Variants in MYO1D observed in about 807,000 individuals in gnomAD.
MYO1D encodes the protein unconventional myosin-Id.
MYO1D carries 83 observed loss-of-function variants against 122.0 expected under a neutral mutation model. The observed-to-expected ratio is 0.68, with a 90% CI of 0.57 to 0.82. MYO1D has a LOEUF of 0.82. Among genes scored for constraint, MYO1D ranks in the 40% least tolerant of loss-of-function variants. The probability of loss-of-function intolerance (pLI) is 0.00; values close to 1 mark genes in which losing one functional copy is unlikely to be tolerated. For missense variants in MYO1D, 1,157 were observed against 1,269.5 expected (o/e 0.91, Z 1.35); for synonymous variants, 464 against 446.9 (o/e 1.04, Z -0.48).
intron 1 of MYO1D, among the ~76,000 whole-genome samples, chr17:32,781,338 G>A (rs1360565093): frequency 6.6e-6 from 1 of 152,102 alleles, no homozygotes; most frequent in Non-Finnish European, 1.5e-5. Flanking sequence ...GTTCCATGGT[G>A]TCGATATATC....
At chr17:32,567,044 C>T (rs225204) in intron 21 of MYO1D, among the ~76,000 whole-genome samples, 61,987 of 150,136 alleles carry the variant, frequency 0.41, 12,930 homozygotes, top group East Asian at 0.52. Flanking sequence ...GATGCGGCTG[C>T]AGGCTTCTGG....
chr17:32,597,296 G>T (rs1020831912), intron 21 of MYO1D, among the ~76,000 whole-genome samples: 2 of 152,118 alleles, frequency 1.3e-5, no homozygotes, highest in African/African-American at 4.8e-5. Context: ...CTTTCTCCCT[G>T]TACTGAGGTG....
intron 20 of MYO1D, among the ~76,000 whole-genome samples, chr17:32,633,904 T>C (rs2088059396): frequency 6.6e-6 from 1 of 152,180 alleles, no homozygotes. Context: ...GATTTTATTT[T>C]TTCCCTTATC....
intron 4 of MYO1D, among the ~76,000 whole-genome samples, chr17:32,774,764 C>T (rs2090156770): frequency 6.6e-6 from 1 of 152,088 alleles, no homozygotes; most frequent in African/African-American, 2.4e-5. Flanking sequence ...TCTGATAATA[C>T]ATTTATTTCC....
intron 19 of MYO1D, among the ~76,000 whole-genome samples, chr17:32,653,419 C>T (rs2088425748): frequency 1.3e-5 from 2 of 151,548 alleles, no homozygotes; most frequent in South Asian, 4.2e-4. Flanking sequence ...CCAGCCTGAC[C>T]AACATGGTGA....
chr17:32,853,692 C>T (rs1384332717), intron 1 of MYO1D, among the ~76,000 whole-genome samples: 2 of 152,172 alleles, frequency 1.3e-5, no homozygotes, highest in Non-Finnish European at 2.9e-5. Context: ...TAATTAACTG[C>T]TAATTGCTTA....
intron 20 of MYO1D, among the ~76,000 whole-genome samples, chr17:32,635,148 T>C (rs1597956410): frequency 6.6e-6 from 1 of 152,312 alleles, no homozygotes; most frequent in Admixed American, 6.5e-5. Context: ...GAAACTCTAA[T>C]GGTTTGCTGA....
At chr17:32,852,582 T>A (rs2090998722) in intron 1 of MYO1D, among the ~76,000 whole-genome samples, 2 of 152,178 alleles carry the variant, frequency 1.3e-5, no homozygotes, top group Non-Finnish European at 2.9e-5. Context: ...TATGCTTGAA[T>A]TAATGGTAAA....
At chr17:32,681,161 G>A (rs1446573515) in intron 16 of MYO1D, among the ~76,000 whole-genome samples, 2 of 151,700 alleles carry the variant, frequency 1.3e-5, no homozygotes, top group East Asian at 3.9e-4. Context: ...TATTAGTCTT[G>A]CTAGTGGTCT....
At chr17:32,683,535 G>A (rs1170512807) in intron 16 of MYO1D, among the ~76,000 whole-genome samples, 1 of 152,004 alleles carries the variant, frequency 6.6e-6, no homozygotes, top group Non-Finnish European at 1.5e-5. Context: ...TGCCCCTGCT[G>A]GGGGGTGCCT....
intron 10 of MYO1D, among the ~76,000 whole-genome samples, chr17:32,758,291 T>C (rs1331049633): frequency 6.6e-6 from 1 of 152,150 alleles, no homozygotes; most frequent in Non-Finnish European, 1.5e-5. Context: ...TCTATAGATA[T>C]GCAAGAGACC....
intron 21 of MYO1D, among the ~76,000 whole-genome samples, chr17:32,554,067 C>G (rs1314052405): frequency 6.6e-6 from 1 of 152,162 alleles, no homozygotes; most frequent in Non-Finnish European, 1.5e-5. Context: ...AATAAAATAC[C>G]TGAGTCACCA....
intron 21 of MYO1D, among the ~76,000 whole-genome samples, chr17:32,532,468 C>T (rs894616422): frequency 9.9e-5 from 15 of 152,172 alleles, no homozygotes; most frequent in African/African-American, 3.4e-4. Flanking sequence ...TGGCTCATGC[C>T]TGTAATCCCA....
intron 1 of MYO1D, among the ~76,000 whole-genome samples, chr17:32,824,048 T>G (rs1237693232): frequency 8.3e-6 from 1 of 119,950 alleles, no homozygotes; most frequent in South Asian, 2.5e-4. Context: ...GCCTGGGCGA[T>G]AGAGCAAGAC....
chr17:32,601,363 C>A lies in MYO1D; in HGVS notation c.2864+3724G>T, dbSNP rs140865065. On this transcript the variant is annotated intron_variant, in intron 21 of 21. Transcript: ENST00000318217. ...GTTGTATCTCAGGGAATAGGGGAGC[C>A]TGAGGAGAGGAAGAGAGATGAGGGA... is the stretch of plus-strand genomic sequence containing the variant. Among the ~76,000 whole-genome samples the A allele has an allele frequency of 2.4e-3, 363 of 152,118 alleles. 2 individuals carry two copies. Among genetic ancestry groups the A allele is most frequent in the African/African-American group, 7.9e-3 (329 of 41,484 alleles).
chr17:32,800,663 T>C (rs1054809448), intron 1 of MYO1D, among the ~76,000 whole-genome samples: 4 of 152,178 alleles, frequency 2.6e-5, no homozygotes, highest in Admixed American at 2.6e-4. Context: ...GCATTGCATA[T>C]TGAAAAATAG....
chr17:32,859,659 G>A (rs972103508), intron 1 of MYO1D, among the ~76,000 whole-genome samples: 1 of 152,182 alleles, frequency 6.6e-6, no homozygotes, highest in Non-Finnish European at 1.5e-5. Context: ...CAATTCATAC[G>A]CAAGTATTTG....
intron 14 of MYO1D, among the ~76,000 whole-genome samples, chr17:32,728,036 T>C (rs1420993526): frequency 1.3e-5 from 2 of 151,922 alleles, no homozygotes; most frequent in Non-Finnish European, 2.9e-5. Context: ...TCTCTAAATA[T>C]TTACACAAAA....
chr17:32,586,382 T>C (rs950860705), intron 21 of MYO1D, among the ~76,000 whole-genome samples: 3 of 152,212 alleles, frequency 2.0e-5, no homozygotes, highest in Non-Finnish European at 4.4e-5. Flanking sequence ...GCCCAGAGGC[T>C]TTCCTATTCC....
Sources: allele counts gnomAD v4.1 joint callset (sites outside exome capture counted in the v4.1 genomes callset), GRCh38; gene constraint gnomAD v4.1.1; transcripts MANE v1.5; gene names NCBI Gene and HGNC (gene_info 2026-07-23, HGNC 2026-07-21).